The following CYP46A1 variants were observed in gnomAD, a reference collection of about 807,000 sequenced individuals.
CYP46A1 encodes the protein cytochrome P450 family 46 subfamily A member 1, also known as cholesterol 24-hydroxylase.
CYP46A1 carries 20 observed loss-of-function variants against 63.3 expected under a neutral mutation model. The ratio of observed to expected loss-of-function variants is 0.32; its 90% CI spans 0.22 to 0.46. The LOEUF is 0.46. Ranked by LOEUF, CYP46A1 falls within the 20% of genes least tolerant of loss-of-function variation. The pLI is 1.00. For synonymous variants in CYP46A1, 268 were observed against 273.6 expected, an observed-to-expected ratio of 0.98 and a Z score of 0.20; for missense variants, 445 against 670.8, an observed-to-expected ratio of 0.66 and a Z score of 3.72.
At position 99,691,828 on chromosome 14, in the gene CYP46A1, C is replaced by T; in HGVS notation, c.249C>T (p.Thr83=). Residue 83 remains threonine (T), a synonymous_variant, in exon 3 of 15, where the codon ACC becomes ACT. Transcript: ENST00000261835. ...PVVRVNVFHK[T]SVIVTSPESV... ...TGCGGGTCAACGTCTTCCACAAAACCTCAGTCATCGTCACGAGTCCTGAGT... is the reference window on the plus strand; with the variant it reads ...TGCGGGTCAACGTCTTCCACAAAACTTCAGTCATCGTCACGAGTCCTGAGT... 2 of 1,614,182 alleles carry T rather than the reference C, an allele frequency of 1.2e-6. No individual in the cohort carries two copies. The highest frequency in any genetic ancestry group is 8.5e-7 in the Non-Finnish European group (1 of 1,180,042).
chr14:99,690,534 G>A (rs1302180561), intron 1 of CYP46A1, among the ~76,000 whole-genome samples: 1 of 152,224 alleles, frequency 6.6e-6, no homozygotes, highest in Non-Finnish European at 1.5e-5. Context: ...ATGAGCTTCA[G>A]GATGACACTG....
At chr14:99,690,963 C>T in intron 1 of CYP46A1, 118 bp from the exon 2 acceptor site, 3 of 933,694 alleles carry the variant, frequency 3.2e-6, no homozygotes, top group Non-Finnish European at 5.1e-6. Context: ...AGTGCTGTAA[C>T]CTCCCCATGC....
intron 3 of CYP46A1, among the ~76,000 whole-genome samples, chr14:99,699,101 C>T (rs1213277715): frequency 2.0e-5 from 3 of 152,072 alleles, no homozygotes; most frequent in African/African-American, 4.8e-5. Context: ...CTTCCTCTCC[C>T]GGAAGGGCTT....
intron 7 of CYP46A1, chr14:99,713,421 C>G (rs1049367671): frequency 7.9e-6 from 1 of 127,330 alleles, no homozygotes; most frequent in African/African-American, 2.9e-5. Flanking sequence ...CAGAGCGAGA[C>G]TACAAGACTA....
At chr14:99,693,739 CT>C (rs1169096445) in intron 3 of CYP46A1, 1 of 151,972 alleles carries the variant, frequency 6.6e-6, no homozygotes, top group African/African-American at 2.4e-5. Context: ...TCATGTGGGC[CT>C]GGAGTTTTAT....
chr14:99,684,454 C>G lies in CYP46A1; in HGVS notation c.37C>G (p.Leu13Val), dbSNP rs1260519940. Residue 13 changes from leucine (L) to valine (V), a missense_variant, in exon 1 of 15, where the codon CTG becomes GTG. Leu to Val is a conservative substitution (Grantham distance 32). Coordinates refer to ENST00000261835, the MANE Select transcript of CYP46A1 (RefSeq NM_006668.2). ...GCTGCTGCTGCTCGGCAGCGCCGTCCTGCTCGCCTTCGGCCTCTGCTGCAC... is the reference window on the plus strand; with the variant it reads ...GCTGCTGCTGCTCGGCAGCGCCGTCGTGCTCGCCTTCGGCCTCTGCTGCAC... ...PGLLLLGSAV[L>V]LAFGLCCTFV... 1 of 1,475,846 alleles carries G rather than the reference C, an allele frequency of 6.8e-7. No individual in the cohort carries two copies. 91.4% of individuals were successfully genotyped at this position (1,475,846 alleles called of 1,614,324 possible). A position where few individuals can be genotyped will look rare whatever the true frequency, so the allele number is the denominator to read the frequency against.
chr14:99,691,289 T>G, intron 2 of CYP46A1, 128 bp downstream of exon 2: 2 of 900,174 alleles, frequency 2.2e-6, no homozygotes, highest in Non-Finnish European at 3.6e-6. Flanking sequence ...GCCCCAGCAG[T>G]TCCTCCCCTG....
chr14:99,684,489 C>T lies in CYP46A1; in HGVS notation c.72C>T (p.His24=). The T allele has an allele frequency of 6.7e-7, 1 of 1,482,050 alleles. No homozygotes were observed. Among genetic ancestry groups the T allele is most frequent in the Non-Finnish European group, 8.9e-7 (1 of 1,122,530 alleles). 91.8% of individuals were successfully genotyped at this position (1,482,050 alleles called of 1,614,324 possible). A position where few individuals can be genotyped will look rare whatever the true frequency, so the allele number is the denominator to read the frequency against. ...LAFGLCCTFV[H]RARSRYEHIP... is the part of the protein sequence containing the mutation. ...TCGGCCTCTGCTGCACCTTCGTGCA[C>T]CGCGCTCGCAGCCGCTACGAGCACA... Residue 24 remains histidine, a synonymous_variant, in exon 1 of 15, where the codon CAC becomes CAT. Coordinates refer to ENST00000261835, the MANE Select transcript of CYP46A1 (RefSeq NM_006668.2).
intron 7 of CYP46A1, among the ~76,000 whole-genome samples, chr14:99,715,344 T>G (rs10137816): frequency 0.98 from 149,922 of 152,288 alleles, 73,844 homozygotes; most frequent in Middle Eastern, 1. Context: ...CTTATTCCAG[T>G]CATGAAGAAG....
Position 99,715,967 on chromosome 14 carries a change from G to T in CYP46A1, c.844+7G>T. 6.2e-7 allele frequency: 1 copy of T among 1,602,140 alleles called. No individual in the cohort carries two copies. The highest frequency in any genetic ancestry group is 8.5e-7 in the Non-Finnish European group (1 of 1,173,556). On this transcript the variant is annotated splice_region_variant and intron_variant, in intron 8 of 14. Coordinates refer to ENST00000261835, the MANE Select transcript of CYP46A1 (RefSeq NM_006668.2). ...CTCACACAGATTCTGAAAGGTGCAA[G>T]GGCCCCCTCTGCGGACTGGGGAGGG...
intron 6 of CYP46A1, among the ~76,000 whole-genome samples, chr14:99,707,043 C>A (rs1215220902): frequency 6.6e-6 from 1 of 152,202 alleles, no homozygotes; most frequent in African/African-American, 2.4e-5. Context: ...ATGGCAGAAG[C>A]AAGATTTGAT....
intron 1 of CYP46A1, 27 bp downstream of exon 1, chr14:99,684,563 G>A: frequency 7.0e-7 from 1 of 1,426,992 alleles, no homozygotes; most frequent in Non-Finnish European, 9.2e-7. Context: ...GCGGGGCCTG[G>A]CTGGGGTGCT....
At chr14:99,689,870 C>T (rs1208111625) in intron 1 of CYP46A1, among the ~76,000 whole-genome samples, 1 of 152,192 alleles carries the variant, frequency 6.6e-6, no homozygotes, top group Non-Finnish European at 1.5e-5. Context: ...AAGTCAGATC[C>T]CATCTCTGCT....
At chr14:99,691,441 ATTGT>A in intron 2 of CYP46A1, 1 of 580,144 alleles carries the variant, frequency 1.7e-6, no homozygotes, top group East Asian at 2.8e-5. Flanking sequence ...GGTAACAGTC[ATTGT>A]TTGGTGTGTC....
intron 1 of CYP46A1, among the ~76,000 whole-genome samples, chr14:99,688,022 C>T (rs1344807200): frequency 6.6e-6 from 1 of 151,936 alleles, no homozygotes; most frequent in Non-Finnish European, 1.5e-5. Context: ...GAGGACCCCA[C>T]CCCTCTCTGT....
At chr14:99,707,141 C>G (rs942931348) in intron 6 of CYP46A1, among the ~76,000 whole-genome samples, 1 of 152,212 alleles carries the variant, frequency 6.6e-6, no homozygotes, top group East Asian at 1.9e-4. Context: ...CCAGTAGACT[C>G]AGCAGTGGGC....
At chr14:99,711,948 G>C (rs1370919731) in intron 7 of CYP46A1, 1 of 152,070 alleles carries the variant, frequency 6.6e-6, no homozygotes, top group Non-Finnish European at 1.5e-5. Context: ...TGATTAAGTG[G>C]GATTTATCCC....
chr14:99,707,775 A>G, intron 7 of CYP46A1, 97 bp downstream of exon 7: 1 of 1,058,594 alleles, frequency 9.4e-7, no homozygotes. Context: ...TTTTTCCCAG[A>G]ATGGGTTTTG....
chr14:99,687,260 C>T (rs188602086), intron 1 of CYP46A1, among the ~76,000 whole-genome samples: 1 of 152,338 alleles, frequency 6.6e-6, no homozygotes, highest in Admixed American at 6.5e-5. Flanking sequence ...TCTAACTTCC[C>T]TCATCAGCCC....
Sources: allele counts gnomAD v4.1 joint callset (sites outside exome capture counted in the v4.1 genomes callset), GRCh38; gene constraint gnomAD v4.1.1; transcripts MANE v1.5; gene names NCBI Gene and HGNC (gene_info 2026-07-23, HGNC 2026-07-21).